Variants in FLNB observed in about 807,000 individuals in gnomAD.
The protein encoded by FLNB is filamin-B.
In FLNB, 111 loss-of-function variants were observed where a neutral mutation model predicts 250.6. The ratio of observed to expected loss-of-function variants is 0.44; its 90% CI spans 0.38 to 0.52. The LOEUF (loss-of-function observed/expected upper bound fraction) is 0.52, where lower values mean the gene tolerates loss of function less well. FLNB is among the 20% of genes least tolerant of loss of function. The pLI, the probability that FLNB is intolerant of heterozygous loss-of-function variation, is 0.00. For missense variants in FLNB, 2,869 were observed against 3,447.8 expected (o/e 0.83, Z 4.20); for synonymous variants, 1,302 against 1,372.1 (o/e 0.95, Z 1.13).
At chr3:58,111,140 G>A (rs779782083) in intron 16 of FLNB, among the ~76,000 whole-genome samples, 2 of 152,130 alleles carry the variant, frequency 1.3e-5, no homozygotes, top group African/African-American at 2.4e-5. Context: ...CAATGACTGT[G>A]GTCTCCACCC....
intron 4 of FLNB, among the ~76,000 whole-genome samples, chr3:58,092,448 A>G (rs2097229570): frequency 6.6e-6 from 1 of 152,144 alleles, no homozygotes; most frequent in Admixed American, 6.6e-5. Flanking sequence ...GTTTGAGACC[A>G]GCCTGGGCAA....
chr3:58,105,351 C>T, intron 11 of FLNB, 135 bp downstream of exon 11: 1 of 1,073,082 alleles, frequency 9.3e-7, no homozygotes, highest in Non-Finnish European at 1.4e-6. Flanking sequence ...CACCCTAAGC[C>T]ATCTCTGCGT....
intron 22 of FLNB, 118 bp from the exon 23 acceptor site, chr3:58,125,463 A>G (rs2097296196): frequency 8.1e-7 from 1 of 1,232,652 alleles, no homozygotes; most frequent in South Asian, 1.3e-5. Flanking sequence ...CCCTTTTCCA[A>G]ATAACATAGT....
At chr3:58,138,551 G>T in intron 29 of FLNB, 22 bp downstream of exon 29, 1 of 1,613,752 alleles carries the variant, frequency 6.2e-7, no homozygotes, top group South Asian at 1.1e-5. Flanking sequence ...TCCTTCTCCC[G>T]AGCATGCTGT....
intron 41 of FLNB, 33 bp downstream of exon 41, chr3:58,156,108 C>T (rs756098374): frequency 2.1e-5 from 33 of 1,539,252 alleles, no homozygotes; most frequent in South Asian, 1.9e-4. Flanking sequence ...TCTCCTTGGC[C>T]GCAGGCCACC....
At chr3:58,102,108 A>G in intron 8 of FLNB, 95 bp from the exon 9 acceptor site, 1 of 1,460,036 alleles carries the variant, frequency 6.8e-7, no homozygotes, top group Non-Finnish European at 9.6e-7. Context: ...GTGCAAAGCA[A>G]ATATTTTCTT....
In FLNB at chr3:58,104,231, A is replaced by G. The variant is rs1399024828; in HGVS notation, c.1610+146A>G. 1.6e-5 allele frequency: 12 copies of G among 750,316 alleles called. No individual in the cohort carries two copies. The East Asian group carries it at 2.5e-4, about 15-fold the overall frequency. The allele number at this position is 750,316 out of a possible 1,614,324, so 46.5% of individuals were successfully genotyped here. On this transcript the variant is annotated intron_variant, in intron 10 of 45. Transcript: ENST00000295956. The stretch of plus-strand genomic sequence containing the variant: ...TTTTTTTTTTCGGAGCAGCACAGAC[A>G]TTTGGCCTGTTCTCAAAAGCAGCAG...
rs773695191 is a variant in FLNB, at chr3:58,123,602, C to T, written c.3636C>T (p.Leu1212=). 9.3e-6 allele frequency: 15 copies of T among 1,612,242 alleles called. No homozygotes were observed. Among genetic ancestry groups the T allele is most frequent in the Admixed American group, 8.3e-5 (5 of 59,894 alleles). The part of the protein sequence containing the change: ...YTLTMKYGGE[L]VPHFPARVKV... ...TGACCATGAAGTATGGTGGCGAACT[C>T]GTGCCACACTTCCCCGCCCGGGTCA... is the stretch of plus-strand genomic sequence containing the variant. Residue 1212 remains leucine (L), a synonymous_variant, in exon 21 of 46, where the codon CTC becomes CTT. Transcript: ENST00000295956.
rs567382022 is a variant in FLNB at position 58,047,245 on chromosome 3, A to G, written c.293-29801A>G. On this transcript the variant is annotated intron_variant, in intron 1 of 45. Coordinates refer to ENST00000295956, the MANE Select transcript of FLNB (RefSeq NM_001457.4). Reference sequence around the variant, plus strand: ...TGCATGTTAATTAATATAGATGCTCAGGACCCAGAGTTGTAATGAACTTTT... The same window carrying G: ...TGCATGTTAATTAATATAGATGCTCGGGACCCAGAGTTGTAATGAACTTTT... Among the ~76,000 whole-genome samples the G allele has an allele frequency of 3.9e-5, 6 of 152,282 alleles. No individual in the cohort carries two copies. In the East Asian group the frequency reaches 7.7e-4, roughly 20 times the overall value.
chr3:58,149,875 G>A lies in FLNB; in HGVS notation c.6117G>A (p.Val2039=). Residue 2039 remains valine, a synonymous_variant, in exon 37 of 46, where the codon GTG becomes GTA. Transcript: ENST00000295956. ...DAGYGGISLA[V]EGPSKVDIQT... Reference sequence around the variant, plus strand: ...GTTATGGTGGCATATCCTTGGCGGTGGAAGGCCCCAGCAAAGTGGACATCC... The same window carrying A: ...GTTATGGTGGCATATCCTTGGCGGTAGAAGGCCCCAGCAAAGTGGACATCC... The A allele has an allele frequency of 1.2e-6, 2 of 1,614,246 alleles. No homozygotes were observed. The highest frequency in any genetic ancestry group is 2.2e-5 in the East Asian group (1 of 44,880).
chr3:58,058,621 A>C (rs943130689), intron 1 of FLNB, among the ~76,000 whole-genome samples: 1 of 152,238 alleles, frequency 6.6e-6, no homozygotes, highest in African/African-American at 2.4e-5. Flanking sequence ...AGGATTGTGC[A>C]AAAGGGTGTG....
chr3:58,009,784 C>A (rs1379114926), intron 1 of FLNB, among the ~76,000 whole-genome samples: 1 of 152,174 alleles, frequency 6.6e-6, no homozygotes, highest in Non-Finnish European at 1.5e-5. Flanking sequence ...TCTCCCAAAC[C>A]TACACCAGGG....
chr3:58,051,835 C>A (rs1475213472), intron 1 of FLNB, among the ~76,000 whole-genome samples: 1 of 152,106 alleles, frequency 6.6e-6, no homozygotes, highest in Non-Finnish European at 1.5e-5. Context: ...CAGAGCAACC[C>A]TGACCTGTTG....
intron 1 of FLNB, among the ~76,000 whole-genome samples, chr3:58,025,192 C>T (rs544725631): frequency 7.0e-6 from 1 of 142,206 alleles, no homozygotes; most frequent in South Asian, 2.2e-4. Context: ...TGTAGTGGCA[C>T]ATTCACGGCT....
chr3:58,139,609 TC>T (rs2097322938), intron 29 of FLNB, among the ~76,000 whole-genome samples: 1 of 152,230 alleles, frequency 6.6e-6, no homozygotes, highest in Non-Finnish European at 1.5e-5. Context: ...CTTTTATGTC[TC>T]AAGTATGTAA....
chr3:58,025,751 C>G (rs1259543031), intron 1 of FLNB, among the ~76,000 whole-genome samples: 1 of 152,188 alleles, frequency 6.6e-6, no homozygotes, highest in Non-Finnish European at 1.5e-5. Flanking sequence ...CATGGCGAAA[C>G]CCTGTCTCTA....
rs779676897 is a variant in FLNB, at chr3:58,121,244, T to C, written c.2867T>C (p.Val956Ala). Residue 956 changes from valine to alanine, a missense_variant, in exon 20 of 46, where the codon GTG becomes GCG. By Grantham distance (64) the Val-to-Ala change is moderately conservative. Around this residue, in one of 5 missense-constraint regions of FLNB, gnomAD observed 1,348 missense variants for 1,466.7 expected, o/e 0.92. Transcript: ENST00000295956. ...TCAGCTTGTGTTTCTTTTCCAGGGGTGGAAGTTGGGAAGGATCAGGAGTTC... is the reference window on the plus strand; with the variant it reads ...TCAGCTTGTGTTTCTTTTCCAGGGGCGGAAGTTGGGAAGGATCAGGAGTTC... ...KIKLNGLENR[V>A]EVGKDQEFTV... 4.3e-6 allele frequency: 7 copies of C among 1,613,770 alleles called. No individual in the cohort carries two copies. The South Asian group carries it at 6.6e-5, about 15-fold the overall frequency.
At chr3:58,067,684 C>T (rs941410570) in intron 1 of FLNB, among the ~76,000 whole-genome samples, 1 of 151,354 alleles carries the variant, frequency 6.6e-6, no homozygotes, top group Non-Finnish European at 1.5e-5. Context: ...GCAAGCTCCG[C>T]CTCCCAGGTT....
chr3:58,017,429 T>G (rs553814006), intron 1 of FLNB, among the ~76,000 whole-genome samples: 2 of 152,224 alleles, frequency 1.3e-5, no homozygotes, highest in East Asian at 3.9e-4. Context: ...TTTTTTGCAT[T>G]TTTAGTAGAG....
Sources: gnomAD v4.1 joint callset for allele counts (sites outside exome capture counted in the v4.1 genomes callset) on GRCh38, gnomAD v4.1.1 for gene constraint, gnomAD v4.1.1 regional missense constraint, MANE v1.5 for transcripts, NCBI Gene and HGNC (gene_info 2026-07-23, HGNC 2026-07-21) for gene names.